Variants in LPA observed in about 807,000 individuals in gnomAD.
The protein encoded by LPA is lipoprotein(a), also known as apolipoprotein(a).
LPA carries 199 observed loss-of-function variants against 197.9 expected under a neutral mutation model. The ratio of observed to expected loss-of-function variants is 1.01; its 90% CI spans 0.90 to 1.13. The LOEUF (loss-of-function observed/expected upper bound fraction) is 1.13, where lower values mean the gene tolerates loss of function less well. LPA is among the 50% of genes most tolerant of loss of function. The pLI, the probability that LPA is intolerant of heterozygous loss-of-function variation, is 0.00. For synonymous variants in LPA, 715 were observed against 639.5 expected (o/e 1.12, Z -1.78); for missense variants, 1,853 against 1,785.8 (o/e 1.04, Z -0.68).
chr6:160,584,219 TTCTTCTTCTTCTTCTTCTTCCTCCTCC>T, intron 26 of LPA, among the ~76,000 whole-genome samples: 1 of 116,342 alleles, frequency 8.6e-6, no homozygotes, highest in East Asian at 3.7e-4. Flanking sequence ...CTTCTTCTTC[TTCTTCTTCTTCTTCTTCTTCCTCCTCC>T]TCCTCCTCCT....
chr6:160,535,686 C>G (rs77193130), intron 37 of LPA, among the ~76,000 whole-genome samples: 1 of 143,768 alleles, frequency 7.0e-6, no homozygotes, highest in East Asian at 2.0e-4. Context: ...ATAGTGGTGG[C>G]GATGATGTTG....
chr6:160,557,263 G>A (rs1397612223), intron 29 of LPA, 127 bp downstream of exon 29: 1 of 1,160,724 alleles, frequency 8.6e-7, no homozygotes, highest in Non-Finnish European at 1.3e-6. Flanking sequence ...AGAGTGCTGA[G>A]GCTTCTTTCC....
intron 21 of LPA, 31 bp downstream of exon 21, chr6:160,595,323 G>C (rs1282910660): frequency 3.7e-6 from 6 of 1,609,448 alleles, no homozygotes; most frequent in East Asian, 2.2e-5. Context: ...CAACGTCCTA[G>C]GGTGTGGTTG....
chr6:160,606,594 C>A lies in LPA; in HGVS notation c.2668G>T (p.Asp890Tyr). ...CAGTACTCCCACCTGACACTGGGAT[C>A]CCTCGTATAACAATAAGGGGCTGCC... ...PVAAPYCYTR[D>Y]PSVRWEYCNL... Residue 890 changes from aspartate to tyrosine, a missense_variant, in exon 17 of 39, where the codon GAT (aspartate) becomes TAT (tyrosine). Asp to Tyr is a radical substitution (Grantham distance 160, BLOSUM62 -3). This residue lies in a region of LPA where 1,737 missense variants were observed against 1,504.4 expected (regional missense o/e 1.15). Coordinates refer to ENST00000316300, the MANE Select transcript of LPA (RefSeq NM_005577.4). 1 of 1,613,938 alleles carries A rather than the reference C, an allele frequency of 6.2e-7. No homozygotes were observed. Among genetic ancestry groups the A allele is most frequent in the East Asian group, 2.2e-5 (1 of 44,870 alleles).
At chr6:160,576,399 T>TACAC (rs1778676428) in intron 28 of LPA, among the ~76,000 whole-genome samples, 4 of 56,076 alleles carry the variant, frequency 7.1e-5, no homozygotes, top group African/African-American at 4.4e-4. Flanking sequence ...TGTATATATA[T>TACAC]ATATATATAT....
chr6:160,534,830 A>C (rs1434358462), intron 37 of LPA, among the ~76,000 whole-genome samples: 1 of 152,044 alleles, frequency 6.6e-6, no homozygotes, highest in African/African-American at 2.4e-5. Context: ...GAGAGGAAAC[A>C]GTGAGTGGGC....
At chr6:160,579,546 T>A (rs1041643632) in intron 26 of LPA, among the ~76,000 whole-genome samples, 5 of 152,096 alleles carry the variant, frequency 3.3e-5, no homozygotes, top group Non-Finnish European at 5.9e-5. Context: ...AGGGGTCAAG[T>A]GGCTATGGAT....
At chr6:160,543,467 C>T (rs975814704) in intron 33 of LPA, among the ~76,000 whole-genome samples, 1 of 152,050 alleles carries the variant, frequency 6.6e-6, no homozygotes. Flanking sequence ...TTAATAACAA[C>T]TGCAAGAGGA....
chr6:160,582,281 A>C (rs1778816418), intron 26 of LPA, among the ~76,000 whole-genome samples: 1 of 150,844 alleles, frequency 6.6e-6, no homozygotes, highest in Non-Finnish European at 1.5e-5. Flanking sequence ...TACTACTCTA[A>C]AGGTGTTATT....
chr6:160,595,820 AC>A (rs1386096602), intron 20 of LPA, among the ~76,000 whole-genome samples: 1 of 152,010 alleles, frequency 6.6e-6, no homozygotes, highest in African/African-American at 2.4e-5. Flanking sequence ...TTGCACTTGT[AC>A]TTGTACAACT....
chr6:160,549,276 C>G (rs1356016521), intron 30 of LPA, among the ~76,000 whole-genome samples: 1 of 152,156 alleles, frequency 6.6e-6, no homozygotes, highest in Non-Finnish European at 1.5e-5. Context: ...CAAACCCTAT[C>G]AATGCTCCAT....
rs1777998170 is a variant in LPA, at chr6:160,542,597, C to A, written c.5519+91G>T. On this transcript the variant is annotated intron_variant, in intron 34 of 38. Coordinates refer to ENST00000316300, the MANE Select transcript of LPA (RefSeq NM_005577.4). ...GAAAACAGAGAGGCAGGTATTGATG[C>A]ATCAGCTGTGTGGGTTCTGTGTAAA... The A allele has an allele frequency of 9.5e-6, 15 of 1,580,314 alleles. No individual in the cohort carries two copies. In the South Asian group the frequency reaches 1.1e-4, roughly 12 times the overall value.
intron 33 of LPA, among the ~76,000 whole-genome samples, chr6:160,544,255 G>A (rs1054284809): frequency 1.1e-4 from 17 of 152,152 alleles, no homozygotes; most frequent in Admixed American, 4.6e-4. Flanking sequence ...AGGCAGTGGC[G>A]TGTACTAGAT....
intron 2 of LPA, among the ~76,000 whole-genome samples, chr6:160,647,519 T>C (rs1216760145): frequency 6.6e-6 from 1 of 152,220 alleles, no homozygotes; most frequent in Non-Finnish European, 1.5e-5. Flanking sequence ...AATGAGCAAC[T>C]GGATGTACTA....
intron 26 of LPA, among the ~76,000 whole-genome samples, chr6:160,584,196 T>C (rs940762793): frequency 3.5e-4 from 38 of 109,514 alleles, no homozygotes; most frequent in Non-Finnish European, 5.9e-4. Context: ...TTCTTCTTCT[T>C]CTTCTTCTTC....
chr6:160,547,496 T>TCCAGTACCAGTA (rs1043861213), intron 32 of LPA, among the ~76,000 whole-genome samples: 1 of 152,082 alleles, frequency 6.6e-6, no homozygotes, highest in African/African-American at 2.4e-5. Flanking sequence ...AATTACCAGT[T>TCCAGTACCAGTA]CCAGTACCAG....
In LPA at chr6:160,590,955, A is replaced by G. The variant is rs770898075; in HGVS notation, c.3776T>C (p.Val1259Ala). ...CAGAGACTTCTTACCTTGTTCAGAA[A>G]CAGCCGTGGACGTCGCAAGGACACT... ...ESSVLATSTAVSEQAPTEQSP... is the reference protein window; with the variant it reads ...ESSVLATSTAASEQAPTEQSP... Residue 1259 changes from valine (V) to alanine (A), a missense_variant, in exon 23 of 39, where the codon GTT (valine) becomes GCT (alanine). Physicochemically the swap from Val to Ala is moderately conservative, Grantham distance 64 (BLOSUM62 0). This residue lies in a region of LPA where 1,737 missense variants were observed against 1,504.4 expected (regional missense o/e 1.15). Coordinates refer to ENST00000316300, the MANE Select transcript of LPA (RefSeq NM_005577.4). 2.5e-6 allele frequency: 4 copies of G among 1,613,838 alleles called. No homozygotes were observed. The East Asian group carries it at 8.9e-5, about 36-fold the overall frequency.
At chr6:160,651,334 C>A (rs1011591704) in intron 1 of LPA, among the ~76,000 whole-genome samples, 15 of 152,188 alleles carry the variant, frequency 9.9e-5, no homozygotes, top group African/African-American at 2.7e-4. Context: ...TGCAGGCATG[C>A]AGTGACTGCT....
At position 160,649,290 on chromosome 6, in the gene LPA, T is replaced by C. The variant is rs868062492; in HGVS notation, c.209+1048A>G. Among the ~76,000 whole-genome samples, 36 of 152,308 alleles carry C rather than the reference T, an allele frequency of 2.4e-4. No individual in the cohort carries two copies. In the Middle Eastern group the frequency reaches 0.024, roughly 101 times the overall value. On this transcript the variant is annotated intron_variant, in intron 2 of 38. Coordinates refer to ENST00000316300, the MANE Select transcript of LPA (RefSeq NM_005577.4). ...TTGAGCTCTGTCATGTTTATTGAGC[T>C]CACTGTTCCATTGTAGTTGCTGCTC...
Sources: allele counts gnomAD v4.1 joint callset (sites outside exome capture counted in the v4.1 genomes callset), GRCh38; gene constraint gnomAD v4.1.1; regional missense constraint gnomAD v4.1.1; transcripts MANE v1.5; gene names NCBI Gene and HGNC (gene_info 2026-07-23, HGNC 2026-07-21).